Variants in KIF18B observed in about 807,000 individuals in gnomAD.
The protein encoded by KIF18B is kinesin family member 18B.
A neutral mutation model predicts 80.9 loss-of-function variants in KIF18B; 49 were observed. That is an observed-to-expected ratio of 0.61 (90% CI 0.48 to 0.77). The LOEUF (loss-of-function observed/expected upper bound fraction) is 0.77. Ranked by LOEUF, KIF18B falls within the 30% of genes least tolerant of loss-of-function variation. The pLI is 0.00. For synonymous variants in KIF18B, 439 were observed against 463.9 expected, an observed-to-expected ratio of 0.95 and a Z score of 0.69; for missense variants, 994 against 1,127.7, an observed-to-expected ratio of 0.88 and a Z score of 1.70.
chr17:44,934,162 T>C lies in KIF18B; in HGVS notation c.886-63A>G. On this transcript the variant is annotated intron_variant, in intron 6 of 15. Transcript: ENST00000593135. The surrounding 1 kb of genome is among the most constrained non-coding windows in gnomAD (Gnocchi z 5.4). ...ATGGCACTGACCCAGGATGGGGCCC[T>C]GTGGCCTTTGGCCCTGGGTTCAGGT... 5 of 1,597,076 alleles carry C rather than the reference T, an allele frequency of 3.1e-6. No homozygotes were observed. The highest frequency in any genetic ancestry group is 4.5e-5 in the East Asian group (2 of 44,490).
Position 44,934,531 on chromosome 17 carries a change from G to A in KIF18B, c.663C>T (p.Ser221=), listed in dbSNP as rs146489370. The A allele has an allele frequency of 6.2e-7, 1 of 1,612,764 alleles. No individual in the cohort carries two copies. The change falls in exon 5 of 16, where the codon TCC becomes TCT. Residue 221 remains serine, a synonymous_variant. Coordinates refer to ENST00000593135, the MANE Select transcript of KIF18B (RefSeq NM_001265577.2). This position sits in a 1 kb window ranked among gnomAD's most constrained non-coding sequence, Gnocchi z 5.4. ...TQHPTDANAT[S]SRSHAIFQIF... The stretch of plus-strand genomic sequence containing the variant: ...CCTGGAAGATGGCATGGGAGCGGGA[G>A]GAAGTCGCGTTGGCATCAGTGGGGT...
Position 44,933,780 on chromosome 17 carries a change from A to G in KIF18B, c.1062+143T>C, listed in dbSNP as rs139701645. 55 of 811,922 alleles carry G rather than the reference A, an allele frequency of 6.8e-5. No homozygotes were observed. The African/African-American group carries it at 8.0e-4, about 12-fold the overall frequency. The allele number at this position is 811,922 out of a possible 1,614,324, so 50.3% of individuals were successfully genotyped here. A position where few individuals can be genotyped will look rare whatever the true frequency, so the allele number is the denominator to read the frequency against. On this transcript the variant is annotated intron_variant, in intron 7 of 15. Transcript: ENST00000593135. ...AGTGCTGGGATTACAGGCATGAGCC[A>G]CCATGTCCAGGCCAGAGGAACTTCC...
In KIF18B at chr17:44,936,046, C is replaced by T; in HGVS notation, c.299G>A (p.Gly100Asp). ...THSVLDSFLQ[G>D]YNCSVFAYGA... is the part of the protein sequence containing the mutation. ...GAGGTTCTCACCTGAGCAGTTGTAGCCCTGGAGGAAGCTGTCCAGGACGCT... is the reference window on the plus strand; with the variant it reads ...GAGGTTCTCACCTGAGCAGTTGTAGTCCTGGAGGAAGCTGTCCAGGACGCT... The change falls in exon 2 of 16, where the codon GGC becomes GAC. Residue 100 changes from glycine (G) to aspartate (D), a missense_variant. Coordinates refer to ENST00000593135, the MANE Select transcript of KIF18B (RefSeq NM_001265577.2). 6.2e-7 allele frequency: 1 copy of T among 1,613,660 alleles called. No homozygotes were observed.
chr17:44,930,915 A>G (rs1193490373), intron 11 of KIF18B, among the ~76,000 whole-genome samples: 1 of 152,192 alleles, frequency 6.6e-6, no homozygotes, highest in Non-Finnish European at 1.5e-5. Context: ...AGTCGGGAAC[A>G]GACACTCCCC....
chr17:44,928,856 C>G lies in KIF18B; in HGVS notation c.1686G>C (p.Arg562Ser), dbSNP rs369981350. Residue 562 changes from arginine (R) to serine (S), a missense_variant, in exon 12 of 16, where the codon AGG becomes AGC. By Grantham distance (110) the Arg-to-Ser change is moderately radical. Transcript: ENST00000593135. Reference sequence around the variant, plus strand: ...ACAGCTCCTGAGCCAGAGGTGCCCCCCTGGCCAGGCCTGAAGTCCTCAAGG... The same window carrying G: ...ACAGCTCCTGAGCCAGAGGTGCCCCGCTGGCCAGGCCTGAAGTCCTCAAGG... Reference protein sequence around the residue: ...AEALRTSGLARGAPLAQELCS... With the variant: ...AEALRTSGLASGAPLAQELCS... The G allele has an allele frequency of 3.1e-6, 5 of 1,613,742 alleles. No homozygotes were observed. Among genetic ancestry groups the G allele is most frequent in the Middle Eastern group, 1.6e-4 (1 of 6,080 alleles).
chr17:44,933,040 C>T lies in KIF18B; in HGVS notation c.1063-54G>A, dbSNP rs1033354060. On this transcript the variant is annotated intron_variant, in intron 7 of 15. Coordinates refer to ENST00000593135, the MANE Select transcript of KIF18B (RefSeq NM_001265577.2). ...TTTGTTCATTCAAAGCAGCTTTTAT[C>T]AGCCACCGCCGATGGCCAGGCACTG... 103 of 1,530,448 alleles carry T rather than the reference C, an allele frequency of 6.7e-5. 1 individual carries two copies. Among genetic ancestry groups the T allele is most frequent in the Middle Eastern group, 5.7e-4 (3 of 5,278 alleles). The allele number at this position is 1,530,448 out of a possible 1,614,324, so 94.8% of individuals were successfully genotyped here.
chr17:44,942,513 G>A (rs1002328846), intron 1 of KIF18B, among the ~76,000 whole-genome samples: 1 of 152,228 alleles, frequency 6.6e-6, no homozygotes, highest in African/African-American at 2.4e-5. Context: ...TGAGGGGGTA[G>A]GGGAAGAAGC....
At chr17:44,945,906 GAAAAAAAA>G (rs749503310) in intron 1 of KIF18B, among the ~76,000 whole-genome samples, 55 of 92,046 alleles carry the variant, frequency 6.0e-4, no homozygotes, top group African/African-American at 2.4e-3. Context: ...TTCTGTCTCA[GAAAAAAAA>G]AAAAAAAAAA....
In KIF18B at chr17:44,944,336, C is replaced by T. The variant is rs140598180; in HGVS notation, c.-15+3292G>A. Reference sequence around the variant, plus strand: ...CAGCTCACTGCAACCTCCGAGTCCCCGGTCCAAGCGATTCTCCTGCCTCAG... The same window carrying T: ...CAGCTCACTGCAACCTCCGAGTCCCTGGTCCAAGCGATTCTCCTGCCTCAG... On this transcript the variant is annotated intron_variant, in intron 1 of 15. Coordinates refer to ENST00000593135, the MANE Select transcript of KIF18B (RefSeq NM_001265577.2). 3.6e-3 allele frequency among the ~76,000 whole-genome samples: 548 copies of T among 152,074 alleles called. 6 individuals are homozygous for T. The highest frequency in any genetic ancestry group is 0.012 in the African/African-American group (505 of 41,478).
intron 9 of KIF18B, 146 bp from the exon 10 acceptor site, chr17:44,932,352 T>A: frequency 1.1e-6 from 1 of 887,302 alleles, no homozygotes; most frequent in South Asian, 2.0e-5. Flanking sequence ...AAGGGACAGA[T>A]GCTTAGGTGA....
chr17:44,940,025 C>T (rs572533433), intron 1 of KIF18B, among the ~76,000 whole-genome samples: 2 of 152,348 alleles, frequency 1.3e-5, no homozygotes, highest in African/African-American at 4.8e-5. Flanking sequence ...AAGCGATCCA[C>T]CCGCCTTGGC....
chr17:44,946,904 G>A (rs1465271880), intron 1 of KIF18B, among the ~76,000 whole-genome samples: 2 of 151,904 alleles, frequency 1.3e-5, no homozygotes, highest in Non-Finnish European at 2.9e-5. Context: ...CGGATCGCCT[G>A]AGTCAGAAGT....
Position 44,935,416 on chromosome 17 carries a change from A to C in KIF18B, c.314T>G (p.Val105Gly). 6.2e-7 allele frequency: 1 copy of C among 1,601,768 alleles called. No individual in the cohort carries two copies. ...AGCCCCGGTGGCCCCGTAGGCAAAC[A>C]CTGCAGAGGACATAGTAAGGAGGAG... Reference protein sequence around the residue: ...DSFLQGYNCSVFAYGATGAGK... With the variant: ...DSFLQGYNCSGFAYGATGAGK... The change falls in exon 3 of 16, where the codon GTG (valine) becomes GGG (glycine). Residue 105 changes from valine (V) to glycine (G), a missense_variant and splice_region_variant. By Grantham distance (109) the Val-to-Gly change is moderately radical. Transcript: ENST00000593135.
Position 44,926,020 on chromosome 17 carries a change from G to T in KIF18B, c.*60C>A. 1.3e-6 allele frequency: 2 copies of T among 1,584,628 alleles called. No individual in the cohort carries two copies. The highest frequency in any genetic ancestry group is 1.3e-5 in the African/African-American group (1 of 74,248). ...GTGCAGGTGGCTACAGGTCCAAGAG[G>T]GGTATCCAGCAGAGGGGCCGGTAGG... is the stretch of plus-strand genomic sequence containing the variant. On this transcript the variant is annotated 3_prime_UTR_variant, in exon 16 of 16. Coordinates refer to ENST00000593135, the MANE Select transcript of KIF18B (RefSeq NM_001265577.2).
Position 44,926,051 on chromosome 17 carries a change from A to G in KIF18B, c.*29T>C, listed in dbSNP as rs747273035. 2 of 1,613,422 alleles carry G rather than the reference A, an allele frequency of 1.2e-6. No individual in the cohort carries two copies. Among genetic ancestry groups the G allele is most frequent in the South Asian group, 1.1e-5 (1 of 91,058 alleles). ...CCAGCAGAGGGGCCGGTAGGTTAGG[A>G]CACCTTGGTGGTCAGGACATTCTGG... is the stretch of plus-strand genomic sequence containing the variant. On this transcript the variant is annotated 3_prime_UTR_variant, in exon 16 of 16. Coordinates refer to ENST00000593135, the MANE Select transcript of KIF18B (RefSeq NM_001265577.2).
intron 1 of KIF18B, among the ~76,000 whole-genome samples, chr17:44,946,229 A>AT (rs2052510933): frequency 6.6e-6 from 1 of 152,194 alleles, no homozygotes; most frequent in South Asian, 2.1e-4. Context: ...TTTAACTTCT[A>AT]TTTTATTTTT....
intron 1 of KIF18B, among the ~76,000 whole-genome samples, chr17:44,946,143 A>G (rs2052509542): frequency 6.6e-6 from 1 of 152,174 alleles, no homozygotes. Context: ...ATACTCTGAT[A>G]ATTGTTTAGA....
rs1597893978 is a variant in KIF18B, at chr17:44,939,516, A to G, written c.-14-3158T>C. Among the ~76,000 whole-genome samples, 5 of 149,556 alleles carry G rather than the reference A, an allele frequency of 3.3e-5. No individual in the cohort carries two copies. In the South Asian group the frequency reaches 1.1e-3, roughly 31 times the overall value. ...CACCTCATTGCTCTTTTTCTTGGCT[A>G]TTTTTAGGTATCTTGTCTTACATAT... On this transcript the variant is annotated intron_variant, in intron 1 of 15. Transcript: ENST00000593135.
Position 44,935,247 on chromosome 17 carries a change from G to A in KIF18B, c.471+12C>T. On this transcript the variant is annotated intron_variant, in intron 3 of 15. Transcript: ENST00000593135. ...GGTTGTGAGAACAAGGCCCAGGGCA[G>A]GGGCAGCCGACCTCCTGGTAGCTGA... The A allele has an allele frequency of 6.3e-7, 1 of 1,594,098 alleles. No individual in the cohort carries two copies. Among genetic ancestry groups the A allele is most frequent in the Non-Finnish European group, 8.6e-7 (1 of 1,168,238 alleles).
Sources: allele counts gnomAD v4.1 joint callset (sites outside exome capture counted in the v4.1 genomes callset), GRCh38; gene constraint gnomAD v4.1.1; non-coding constraint Gnocchi (gnomAD v3.1); transcripts MANE v1.5; gene names NCBI Gene and HGNC (gene_info 2026-07-23, HGNC 2026-07-21).